EML6: variants seen among roughly 807,000 people sequenced by gnomAD.
EML6 encodes EMAP like 6.
Under a neutral mutation model 240.1 loss-of-function variants are expected in EML6, and 154 were observed. The observed-to-expected ratio is 0.64, with a 90% CI of 0.56 to 0.73. The LOEUF (loss-of-function observed/expected upper bound fraction) is 0.73, where lower values mean the gene tolerates loss of function less well. Among genes scored for constraint, EML6 ranks in the 30% least tolerant of loss-of-function variants. EML6 has a pLI of 0.00. For synonymous variants in EML6, 1,148 were observed against 899.0 expected (o/e 1.28, Z -4.95); for missense variants, 2,964 against 2,474.6 (o/e 1.20, Z -4.20).
Position 54,857,806 on chromosome 2 carries a change from T to A in EML6, c.1658-1728T>A, listed in dbSNP as rs987515654. On this transcript the variant is annotated intron_variant, in intron 11 of 41. Coordinates refer to ENST00000356458, the MANE Select transcript of EML6 (RefSeq NM_001039753.4). ...AAGCAGAGAAAATGCCTAGCATGTT[T>A]AGGGAATAGCAAAGAGACCAATGTA... 2.0e-5 allele frequency among the ~76,000 whole-genome samples: 3 copies of A among 152,146 alleles called. No individual in the cohort carries two copies. In the East Asian group the frequency reaches 5.8e-4, roughly 29 times the overall value.
intron 21 of EML6, 84 bp downstream of exon 21, chr2:54,895,484 C>A: frequency 7.4e-7 from 1 of 1,345,150 alleles, no homozygotes; most frequent in Non-Finnish European, 1.0e-6. Context: ...GGTTGCAAAA[C>A]TTAAGGAGGC....
intron 29 of EML6, among the ~76,000 whole-genome samples, chr2:54,950,342 C>T (rs1054289349): frequency 2.0e-5 from 3 of 152,210 alleles, no homozygotes; most frequent in African/African-American, 7.2e-5. Context: ...CTGCTAGGTA[C>T]CCTTTACAGG....
At chr2:54,924,862 CTCT>C (rs970379080) in intron 26 of EML6, among the ~76,000 whole-genome samples, 3 of 152,162 alleles carry the variant, frequency 2.0e-5, no homozygotes, top group African/African-American at 7.2e-5. Context: ...TGCACCCAGC[CTCT>C]TCTTTTTTTT....
intron 7 of EML6, among the ~76,000 whole-genome samples, chr2:54,834,912 C>CT (rs1174363514): frequency 2.0e-5 from 3 of 152,210 alleles, no homozygotes; most frequent in African/African-American, 7.2e-5. Flanking sequence ...ATTATTTGAA[C>CT]TTTATGTGAG....
At chr2:54,903,647 C>T (rs544907898) in intron 24 of EML6, 145 bp downstream of exon 24, 2 of 713,218 alleles carry the variant, frequency 2.8e-6, no homozygotes, top group Non-Finnish European at 4.4e-6. Context: ...AATTTTACAA[C>T]CCAGAGGCAG....
chr2:54,911,698 A>C (rs1048345671), intron 25 of EML6, among the ~76,000 whole-genome samples: 1 of 152,154 alleles, frequency 6.6e-6, no homozygotes, highest in African/African-American at 2.4e-5. Context: ...CAGCCTCCCA[A>C]AGTGCTGGGA....
intron 21 of EML6, among the ~76,000 whole-genome samples, chr2:54,897,137 T>G (rs1193997552): frequency 4.6e-5 from 7 of 152,238 alleles, no homozygotes; most frequent in Non-Finnish European, 1.0e-4. Flanking sequence ...ATTGTTTCCA[T>G]GTATGCTATA....
intron 25 of EML6, among the ~76,000 whole-genome samples, chr2:54,914,870 C>G (rs1486370361): frequency 2.0e-5 from 3 of 152,028 alleles, no homozygotes; most frequent in African/African-American, 7.2e-5. Flanking sequence ...GTTAAAATGC[C>G]CATTTCAAAT....
chr2:54,800,228 A>G (rs1032922304), intron 2 of EML6, among the ~76,000 whole-genome samples: 1 of 152,048 alleles, frequency 6.6e-6, no homozygotes. Flanking sequence ...CTGACATGCC[A>G]TGCAACCATT....
chr2:54,966,540 C>G (rs1676754342), intron 38 of EML6, among the ~76,000 whole-genome samples: 1 of 152,204 alleles, frequency 6.6e-6, no homozygotes, highest in Non-Finnish European at 1.5e-5. Context: ...ACCCACTGTC[C>G]ATGAGAAACC....
At chr2:54,968,902 C>A in intron 41 of EML6, 134 bp downstream of exon 41, 1 of 592,706 alleles carries the variant, frequency 1.7e-6, no homozygotes, top group Admixed American at 2.9e-5. Context: ...CAGGAAATTC[C>A]ATGAGTCCTC....
intron 9 of EML6, among the ~76,000 whole-genome samples, chr2:54,849,533 A>C (rs1359326548): frequency 6.6e-6 from 1 of 152,184 alleles, no homozygotes; most frequent in Admixed American, 6.5e-5. Flanking sequence ...CTGTCGCCCA[A>C]GCTGGAGTGC....
intron 21 of EML6, among the ~76,000 whole-genome samples, chr2:54,899,300 A>C (rs568762762): frequency 6.6e-6 from 1 of 152,174 alleles, no homozygotes; most frequent in Non-Finnish European, 1.5e-5. Flanking sequence ...TACTATGTTT[A>C]TTTAGTATGA....
At chr2:54,797,060 G>A (rs1669824897) in intron 2 of EML6, among the ~76,000 whole-genome samples, 1 of 150,856 alleles carries the variant, frequency 6.6e-6, no homozygotes, top group Admixed American at 6.6e-5. Flanking sequence ...AGCTGCTCAG[G>A]AGGCTGAGGC....
At chr2:54,856,011 T>C (rs1670356004) in intron 11 of EML6, among the ~76,000 whole-genome samples, 1 of 152,256 alleles carries the variant, frequency 6.6e-6, no homozygotes, top group Admixed American at 6.5e-5. Flanking sequence ...TTTTCCATTG[T>C]GATTTTTAAA....
intron 26 of EML6, among the ~76,000 whole-genome samples, chr2:54,927,959 A>C (rs1674644758): frequency 6.6e-6 from 1 of 152,226 alleles, no homozygotes; most frequent in Non-Finnish European, 1.5e-5. Flanking sequence ...CTCAGATGTC[A>C]GCCAGACTCA....
chr2:54,891,680 A>G (rs997007649), intron 18 of EML6, among the ~76,000 whole-genome samples: 5 of 152,206 alleles, frequency 3.3e-5, no homozygotes, highest in Non-Finnish European at 5.9e-5. Flanking sequence ...ACTTAATACA[A>G]TTGAATCTGA....
chr2:54,882,871 A>AAAAAG lies in EML6; in HGVS notation c.2438+3234_2438+3235insAGAAA, dbSNP rs962733331. On this transcript the variant is annotated intron_variant, in intron 17 of 41. Transcript: ENST00000356458. ...AGACTCCGTCTCAAAAAAAAAAAAA[A>AAAAAG]AAAGAAAGCTTAGGGACACACTAAG... The AAAAAG allele has an allele frequency of 1.2e-4, 15 of 128,832 alleles. 1 individual carries two copies. The highest frequency in any genetic ancestry group is 3.8e-4 in the African/African-American group (13 of 33,954). 8.0% of individuals were successfully genotyped at this position (128,832 alleles called of 1,614,324 possible). A position where few individuals can be genotyped will look rare whatever the true frequency, so the allele number is the denominator to read the frequency against.
intron 2 of EML6, among the ~76,000 whole-genome samples, chr2:54,790,693 G>A (rs1669388483): frequency 6.7e-6 from 1 of 148,346 alleles, no homozygotes; most frequent in Admixed American, 6.7e-5. Flanking sequence ...GGACCCTATT[G>A]TGTATAGAGG....
Sources: allele counts gnomAD v4.1 joint callset (sites outside exome capture counted in the v4.1 genomes callset), GRCh38; gene constraint gnomAD v4.1.1; transcripts MANE v1.5; gene names NCBI Gene and HGNC (gene_info 2026-07-23, HGNC 2026-07-21).